NOL11: variants seen among roughly 807,000 people sequenced by gnomAD.
The protein encoded by NOL11 is nucleolar protein 11.
A neutral mutation model predicts 93.0 loss-of-function variants in NOL11; 42 were observed. That is an observed-to-expected ratio of 0.45 (90% CI 0.35 to 0.58). NOL11 has a LOEUF of 0.58. Among genes scored for constraint, NOL11 ranks in the 20% least tolerant of loss-of-function variants. The pLI is 0.00. For synonymous variants in NOL11, 296 were observed against 293.7 expected (o/e 1.01, Z -0.08); for missense variants, 775 against 841.8 (o/e 0.92, Z 0.98).
intron 2 of NOL11, 49 bp downstream of exon 2, chr17:67,719,836 T>C: frequency 6.8e-7 from 1 of 1,472,426 alleles, no homozygotes; most frequent in Non-Finnish European, 9.3e-7. Context: ...ATGTTGATTA[T>C]TAACTATTTG....
At chr17:67,724,230 A>G (rs11654692) in intron 6 of NOL11, 37 bp downstream of exon 6, 671,223 of 1,284,966 alleles carry the variant, frequency 0.52, 178,257 homozygotes, top group Admixed American at 0.65. Flanking sequence ...GAGATTATAA[A>G]TAGAGGATTG....
chr17:67,730,864 G>A (rs901427354), intron 7 of NOL11, among the ~76,000 whole-genome samples: 3 of 152,142 alleles, frequency 2.0e-5, no homozygotes, highest in Non-Finnish European at 4.4e-5. Flanking sequence ...CACAGTGGCC[G>A]AACCATTTTA....
intron 7 of NOL11, among the ~76,000 whole-genome samples, chr17:67,733,399 C>A (rs1460892428): frequency 6.6e-6 from 1 of 152,094 alleles, no homozygotes; most frequent in Non-Finnish European, 1.5e-5. Context: ...TTTTGTTTTT[C>A]TTCTTCTTGC....
At chr17:67,721,694 G>T (rs546370491) in intron 4 of NOL11, among the ~76,000 whole-genome samples, 168 bp downstream of exon 4, 13 of 152,236 alleles carry the variant, frequency 8.5e-5, no homozygotes, top group Non-Finnish European at 1.9e-4. Context: ...TGGGCATGAA[G>T]ATTGAAGAAA....
intron 3 of NOL11, among the ~76,000 whole-genome samples, chr17:67,721,078 A>G (rs1258088306): frequency 6.6e-6 from 1 of 152,190 alleles, no homozygotes; most frequent in African/African-American, 2.4e-5. Context: ...GCTTATCTGT[A>G]TCTTTCCCAG....
At chr17:67,721,253 T>G (rs1237836238) in intron 3 of NOL11, 125 bp from the exon 4 acceptor site, 1 of 612,372 alleles carries the variant, frequency 1.6e-6, no homozygotes, top group Non-Finnish European at 2.6e-6. Context: ...CATACATAAT[T>G]ATAAAGCAAA....
chr17:67,743,411 A>G (rs1006461414), intron 16 of NOL11, 68 bp from the exon 17 acceptor site: 1 of 672,178 alleles, frequency 1.5e-6, no homozygotes, highest in African/African-American at 1.8e-5. Context: ...TTATTTATGG[A>G]CTTTGTAAAG....
chr17:67,725,887 C>G (rs1233591929), intron 6 of NOL11, among the ~76,000 whole-genome samples: 3 of 152,164 alleles, frequency 2.0e-5, no homozygotes, highest in African/African-American at 7.2e-5. Context: ...GGAGACCAGC[C>G]TGGGCAACAT....
intron 7 of NOL11, among the ~76,000 whole-genome samples, chr17:67,730,526 C>T (rs945755544): frequency 2.6e-5 from 4 of 152,248 alleles, no homozygotes; most frequent in African/African-American, 9.6e-5. Flanking sequence ...TCCCGAAGTG[C>T]TGGGATTACA....
chr17:67,725,558 A>G (rs988150617), intron 6 of NOL11, among the ~76,000 whole-genome samples: 1 of 152,186 alleles, frequency 6.6e-6, no homozygotes, highest in Non-Finnish European at 1.5e-5. Context: ...TCAGTGTGCA[A>G]ATGTTTGCGG....
chr17:67,718,384 A>G (rs1262440348), intron 1 of NOL11, among the ~76,000 whole-genome samples: 2 of 152,128 alleles, frequency 1.3e-5, no homozygotes, highest in African/African-American at 2.4e-5. Context: ...CCTTGCTAAG[A>G]TTCCCTCCTA....
intron 11 of NOL11, 130 bp from the exon 12 acceptor site, chr17:67,737,378 G>A: frequency 2.5e-6 from 2 of 784,830 alleles, no homozygotes; most frequent in Non-Finnish European, 4.1e-6. Flanking sequence ...ACTTTGCAGT[G>A]TCAGCTTCAG....
At chr17:67,736,622 T>TCAAAACATTCCAGA in intron 9 of NOL11, 44 bp from the exon 10 acceptor site, 1 of 1,308,524 alleles carries the variant, frequency 7.6e-7, no homozygotes, top group East Asian at 2.3e-5. Flanking sequence ...GGGCAAAAAG[T>TCAAAACATTCCAGA]AAGTCAAAAC....
At chr17:67,725,056 C>A (rs2143093012) in intron 6 of NOL11, among the ~76,000 whole-genome samples, 1 of 152,254 alleles carries the variant, frequency 6.6e-6, no homozygotes, top group South Asian at 2.1e-4. Context: ...AGACTCGAGA[C>A]TCGTCTCAAC....
At chr17:67,720,039 T>C in intron 3 of NOL11, 77 bp downstream of exon 3, 4 of 1,310,486 alleles carry the variant, frequency 3.1e-6, no homozygotes, top group East Asian at 2.5e-5. Flanking sequence ...GTATGTGTTA[T>C]TTATTTTAAT....
intron 4 of NOL11, among the ~76,000 whole-genome samples, chr17:67,722,067 CT>C (rs1334437150): frequency 6.6e-6 from 1 of 152,200 alleles, no homozygotes; most frequent in Non-Finnish European, 1.5e-5. Flanking sequence ...AAGACTGGTA[CT>C]TACAACGTGG....
At chr17:67,730,401 C>T (rs948318999) in intron 7 of NOL11, among the ~76,000 whole-genome samples, 24 of 152,128 alleles carry the variant, frequency 1.6e-4, no homozygotes, top group African/African-American at 5.3e-4. Flanking sequence ...GCTGGGACTA[C>T]AGGTGGGTGC....
At chr17:67,722,858 T>A (rs987708058) in intron 5 of NOL11, among the ~76,000 whole-genome samples, 2 of 152,090 alleles carry the variant, frequency 1.3e-5, no homozygotes, top group Non-Finnish European at 2.9e-5. Context: ...TCCTGGCTTA[T>A]GTTTTATTTT....
chr17:67,736,746 A>G lies in NOL11; in HGVS notation c.1135A>G (p.Arg379Gly), dbSNP rs2055205725. The G allele has an allele frequency of 1.9e-6, 3 of 1,609,364 alleles. No homozygotes were observed. The highest frequency in any genetic ancestry group is 2.5e-6 in the Non-Finnish European group (3 of 1,176,914). ...GLGFQNSEQS[R>G]RILRRRKIEV... ...TGGGTTCCAGAACTCAGAGCAGTCA[A>G]GAAGAATTGTAAGTTTCGTAGTTGA... The change falls in exon 10 of 18, where the codon AGA (arginine) becomes GGA (glycine). Residue 379 changes from arginine (R) to glycine (G), a missense_variant. Physicochemically the swap from Arg to Gly is moderately radical, Grantham distance 125. Coordinates refer to ENST00000253247, the MANE Select transcript of NOL11 (RefSeq NM_015462.5).
Sources: allele counts gnomAD v4.1 joint callset (sites outside exome capture counted in the v4.1 genomes callset), GRCh38; gene constraint gnomAD v4.1.1; transcripts MANE v1.5; gene names NCBI Gene and HGNC (gene_info 2026-07-23, HGNC 2026-07-21).